GNB4: variants seen among roughly 807,000 people sequenced by gnomAD.
GNB4 encodes the protein guanine nucleotide-binding protein subunit beta-4.
A neutral mutation model predicts 45.2 loss-of-function variants in GNB4; 28 were observed. The observed-to-expected ratio is 0.62, with a 90% CI of 0.46 to 0.85. The LOEUF is 0.85. Among genes scored for constraint, GNB4 ranks in the 40% least tolerant of loss-of-function variants. The probability of loss-of-function intolerance (pLI) is 0.00; values close to 1 mark genes in which losing one functional copy is unlikely to be tolerated. For missense variants in GNB4, 321 were observed against 425.4 expected, an observed-to-expected ratio of 0.75 and a Z score of 2.16; for synonymous variants, 132 against 143.7, an observed-to-expected ratio of 0.92 and a Z score of 0.58.
At chr3:179,457,690 A>T in the GNB4 span, among the ~76,000 whole-genome samples, 1 of 152,200 alleles carries the variant, frequency 6.6e-6, no homozygotes, top group Non-Finnish European at 1.5e-5. Flanking sequence ...AAGAACAAAT[A>T]GAGTCAGGCT....
rs1036920605 is a variant in GNB4, at chr3:179,396,842, T to C, written c.*4371A>G. On this transcript the variant is annotated 3_prime_UTR_variant, in exon 10 of 10. Transcript: ENST00000232564. The stretch of plus-strand genomic sequence containing the variant: ...ATTATGTAACCAATATTTTAAAATA[T>C]ACACTGAATCTGAGGCAACCCAAAA... 1 of 152,216 alleles carries C rather than the reference T, an allele frequency of 6.6e-6. No individual in the cohort carries two copies. The allele number at this position is 152,216 out of a possible 1,614,324, so 9.4% of individuals were successfully genotyped here.
chr3:179,509,583 C>T, the GNB4 span, among the ~76,000 whole-genome samples: 2 of 151,952 alleles, frequency 1.3e-5, no homozygotes, highest in African/African-American at 4.8e-5. Context: ...CGGACTGTTG[C>T]CCTGTCCCAC....
chr3:179,464,525 G>A, the GNB4 span: 23 of 1,610,810 alleles, frequency 1.4e-5, no homozygotes, highest in Non-Finnish European at 1.9e-5. Flanking sequence ...TAGAAGAGTG[G>A]GTGGCCTCAG....
the GNB4 span, among the ~76,000 whole-genome samples, chr3:179,520,151 C>CTG: frequency 1.6e-5 from 1 of 61,430 alleles, no homozygotes; most frequent in African/African-American, 1.4e-4. Context: ...TCATCCCAGC[C>CTG]TCTCTGCTTT....
chr3:179,469,718 G>A, the GNB4 span, among the ~76,000 whole-genome samples: 1 of 152,296 alleles, frequency 6.6e-6, no homozygotes, highest in Non-Finnish European at 1.5e-5. Flanking sequence ...TTAAACCTTA[G>A]GAAACCATTC....
intron 5 of GNB4, among the ~76,000 whole-genome samples, chr3:179,415,366 T>TA (rs1454666049): frequency 1.3e-5 from 2 of 152,232 alleles, no homozygotes; most frequent in African/African-American, 4.8e-5. Flanking sequence ...TGTAAAATGT[T>TA]AGAGGTTTTA....
chr3:179,517,849 G>T, the GNB4 span, among the ~76,000 whole-genome samples: 1 of 151,914 alleles, frequency 6.6e-6, no homozygotes, highest in Admixed American at 6.5e-5. Flanking sequence ...GTTTAATCAC[G>T]CAGGGACGCC....
intron 2 of GNB4, among the ~76,000 whole-genome samples, chr3:179,421,492 G>A (rs1483183156): frequency 6.6e-6 from 1 of 152,086 alleles, no homozygotes; most frequent in African/African-American, 2.4e-5. Context: ...AGAAAAATAA[G>A]AAATGAAATT....
At chr3:179,435,657 T>G (rs1476691139) in intron 1 of GNB4, among the ~76,000 whole-genome samples, 2 of 152,222 alleles carry the variant, frequency 1.3e-5, no homozygotes. Flanking sequence ...AGTGCTCTTA[T>G]TTTGTTACCG....
chr3:179,483,031 A>G, the GNB4 span, among the ~76,000 whole-genome samples: 1 of 152,206 alleles, frequency 6.6e-6, no homozygotes, highest in Non-Finnish European at 1.5e-5. Flanking sequence ...ATGATAATAA[A>G]ACCATGATGG....
chr3:179,493,206 A>T, the GNB4 span, among the ~76,000 whole-genome samples: 912 of 152,314 alleles, frequency 6.0e-3, 9 homozygotes, highest in African/African-American at 0.021. Context: ...GAACACAAAA[A>T]ATTTCTAGTA....
chr3:179,506,343 A>T, the GNB4 span, among the ~76,000 whole-genome samples: 2 of 152,326 alleles, frequency 1.3e-5, no homozygotes, highest in African/African-American at 4.8e-5. Flanking sequence ...GTCTCCAAAA[A>T]AAGAAAAGAA....
the GNB4 span, among the ~76,000 whole-genome samples, chr3:179,486,936 C>T: frequency 6.6e-6 from 1 of 152,170 alleles, no homozygotes; most frequent in East Asian, 1.9e-4. Context: ...ACAAAATAAT[C>T]GTAAACTTCT....
At chr3:179,442,003 C>T (rs532896999) in intron 1 of GNB4, among the ~76,000 whole-genome samples, 52 of 152,208 alleles carry the variant, frequency 3.4e-4, no homozygotes, top group African/African-American at 1.2e-3. Context: ...GACAGGGTTT[C>T]ACCATGTTGG....
At position 179,405,411 on chromosome 3, in the gene GNB4, A is replaced by G; in HGVS notation, c.700-5T>C. 1 of 1,592,656 alleles carries G rather than the reference A, an allele frequency of 6.3e-7. No individual in the cohort carries two copies. On this transcript the variant is annotated splice_region_variant and splice_polypyrimidine_tract_variant and intron_variant, in intron 8 of 9. Coordinates refer to ENST00000232564, the MANE Select transcript of GNB4 (RefSeq NM_021629.4). ...GGCATATCCATTTGGGAAAAACTAGACAGGAAAGTAACAAACATTTATTCT... is the reference window on the plus strand; with the variant it reads ...GGCATATCCATTTGGGAAAAACTAGGCAGGAAAGTAACAAACATTTATTCT...
At chr3:179,461,365 C>T in the GNB4 span, among the ~76,000 whole-genome samples, 24,230 of 152,002 alleles carry the variant, frequency 0.16, 2,222 homozygotes, top group African/African-American at 0.24. Context: ...GGTGTGGTAG[C>T]GGGCACTTGT....
In GNB4 at chr3:179,396,472, A is replaced by C. The variant is rs1314041595; in HGVS notation, c.*4741T>G. ...GCTTCTTTGAAAAGAAAACAATAGGATAGAGCACCATTGTGTAAAAGACAA... is the reference window on the plus strand; with the variant it reads ...GCTTCTTTGAAAAGAAAACAATAGGCTAGAGCACCATTGTGTAAAAGACAA... On this transcript the variant is annotated 3_prime_UTR_variant, in exon 10 of 10. Coordinates refer to ENST00000232564, the MANE Select transcript of GNB4 (RefSeq NM_021629.4). The C allele has an allele frequency of 6.6e-6, 1 of 152,256 alleles. No individual in the cohort carries two copies. Among genetic ancestry groups the C allele is most frequent in the Admixed American group, 6.5e-5 (1 of 15,288 alleles). The allele number at this position is 152,256 out of a possible 1,614,324, so 9.4% of individuals were successfully genotyped here.
the GNB4 span, among the ~76,000 whole-genome samples, chr3:179,498,748 G>GTTTTTT: frequency 2.6e-5 from 3 of 117,578 alleles, no homozygotes; most frequent in African/African-American, 3.7e-5. Context: ...GTTGAGGTTT[G>GTTTTTT]GTTTTTTTTT....
At chr3:179,429,050 T>C (rs1384841894) in intron 1 of GNB4, among the ~76,000 whole-genome samples, 1 of 152,152 alleles carries the variant, frequency 6.6e-6, no homozygotes, top group African/African-American at 2.4e-5. Context: ...GGATGACGGG[T>C]GAGGCAATCT....
Sources: allele counts gnomAD v4.1 joint callset (sites outside exome capture counted in the v4.1 genomes callset), GRCh38; gene constraint gnomAD v4.1.1; transcripts MANE v1.5; gene names NCBI Gene and HGNC (gene_info 2026-07-23, HGNC 2026-07-21).